The following GPATCH2 variants were observed in gnomAD, a reference collection of about 807,000 sequenced individuals.
GPATCH2 encodes the protein G-patch domain containing 2, also known as G patch domain-containing protein 2.
GPATCH2 carries 51 observed loss-of-function variants against 58.0 expected under a neutral mutation model. That is an observed-to-expected ratio of 0.88 (90% CI 0.70 to 1.11). GPATCH2 has a LOEUF of 1.11. Among genes scored for constraint, GPATCH2 ranks in the 50% most tolerant of loss-of-function variants. The pLI is 0.00. For synonymous variants in GPATCH2, 222 were observed against 218.5 expected, an observed-to-expected ratio of 1.02 and a Z score of -0.14; for missense variants, 625 against 652.2, an observed-to-expected ratio of 0.96 and a Z score of 0.45.
At chr1:217,607,222 G>A (rs574821295) in intron 5 of GPATCH2, among the ~76,000 whole-genome samples, 3 of 152,272 alleles carry the variant, frequency 2.0e-5, no homozygotes, top group African/African-American at 7.2e-5. Context: ...TCAGTAACAT[G>A]TACAGAGCAG....
intron 5 of GPATCH2, among the ~76,000 whole-genome samples, chr1:217,525,311 T>C (rs948077482): frequency 6.6e-6 from 1 of 152,166 alleles, no homozygotes; most frequent in African/African-American, 2.4e-5. Context: ...TATGACACAC[T>C]GACCCACAGT....
chr1:217,466,663 G>A (rs1433320932), intron 8 of GPATCH2, among the ~76,000 whole-genome samples: 1 of 152,094 alleles, frequency 6.6e-6, no homozygotes, highest in Non-Finnish European at 1.5e-5. Flanking sequence ...CAGCAGCAAG[G>A]GGCCTCAAAA....
chr1:217,556,531 C>T (rs1665630746), intron 5 of GPATCH2, among the ~76,000 whole-genome samples: 1 of 152,196 alleles, frequency 6.6e-6, no homozygotes, highest in South Asian at 2.1e-4. Flanking sequence ...AACATTGGTG[C>T]ATCTAGCTGT....
chr1:217,531,552 AT>A (rs1664190230), intron 5 of GPATCH2, among the ~76,000 whole-genome samples: 5 of 152,224 alleles, frequency 3.3e-5, no homozygotes, highest in Admixed American at 2.0e-4. Flanking sequence ...CACAAAAAAA[AT>A]AGTAGACAAT....
chr1:217,447,028 C>T (rs1659423390), intron 9 of GPATCH2, among the ~76,000 whole-genome samples: 1 of 152,112 alleles, frequency 6.6e-6, no homozygotes, highest in African/African-American at 2.4e-5. Context: ...ACTGTTTCTG[C>T]CGCTAATGGT....
intron 5 of GPATCH2, among the ~76,000 whole-genome samples, chr1:217,571,601 T>C (rs1354632160): frequency 2.7e-5 from 4 of 147,386 alleles, no homozygotes; most frequent in African/African-American, 5.0e-5. Flanking sequence ...AATTAGGTGA[T>C]CTACACTTGA....
chr1:217,516,213 T>A (rs1281368888), intron 5 of GPATCH2, among the ~76,000 whole-genome samples: 2 of 97,924 alleles, frequency 2.0e-5, no homozygotes, highest in Non-Finnish European at 2.0e-5. Context: ...GGCTTTAAGT[T>A]ATGTTCCATT....
At chr1:217,555,951 A>G (rs1665597410) in intron 5 of GPATCH2, among the ~76,000 whole-genome samples, 1 of 152,220 alleles carries the variant, frequency 6.6e-6, no homozygotes, top group South Asian at 2.1e-4. Context: ...TTTACTTTGT[A>G]CTATACAACA....
At chr1:217,500,369 C>G (rs752894961) in intron 6 of GPATCH2, among the ~76,000 whole-genome samples, 1 of 151,938 alleles carries the variant, frequency 6.6e-6, no homozygotes, top group Non-Finnish European at 1.5e-5. Flanking sequence ...TAGATCTGTC[C>G]TGGAACTTCC....
At chr1:217,579,909 C>A (rs1666981277) in intron 5 of GPATCH2, among the ~76,000 whole-genome samples, 1 of 152,076 alleles carries the variant, frequency 6.6e-6, no homozygotes, top group South Asian at 2.1e-4. Context: ...ATGGTCAAAG[C>A]CTTTAGCTGT....
chr1:217,589,179 G>C (rs925681963), intron 5 of GPATCH2, among the ~76,000 whole-genome samples: 2 of 152,084 alleles, frequency 1.3e-5, no homozygotes, highest in African/African-American at 4.8e-5. Flanking sequence ...GTCATGTCAA[G>C]TCACTTAAAA....
intron 1 of GPATCH2, 31 bp from the exon 2 acceptor site, chr1:217,620,530 T>C (rs1669133846): frequency 7.4e-7 from 1 of 1,346,014 alleles, no homozygotes; most frequent in South Asian, 1.3e-5. Context: ...AAAAAGAAAA[T>C]AGTCAGTCTT....
intron 5 of GPATCH2, among the ~76,000 whole-genome samples, chr1:217,524,049 C>T (rs1464967910): frequency 1.3e-5 from 2 of 148,714 alleles, no homozygotes; most frequent in African/African-American, 5.0e-5. Context: ...CCTCACCTCC[C>T]GGATGGGGCG....
chr1:217,557,061 C>T (rs1665670099), intron 5 of GPATCH2, among the ~76,000 whole-genome samples: 1 of 152,170 alleles, frequency 6.6e-6, no homozygotes, highest in African/African-American at 2.4e-5. Flanking sequence ...AAGCCACTCC[C>T]AGTCTGTGGC....
chr1:217,483,589 T>C lies in GPATCH2; in HGVS notation c.1277+8091A>G, dbSNP rs371787273. Among the ~76,000 whole-genome samples, 67 of 152,330 alleles carry C rather than the reference T, an allele frequency of 4.4e-4. 1 individual carries two copies. The South Asian group carries it at 0.014, about 32-fold the overall frequency. On this transcript the variant is annotated intron_variant, in intron 8 of 9. Coordinates refer to ENST00000366935, the MANE Select transcript of GPATCH2 (RefSeq NM_018040.5). ...TTAAGTATTCACGTGGAATGCATAG[T>C]AGGTCTATGTTTAACATTTTAGGAA...
chr1:217,609,912 T>C (rs1668544063), intron 5 of GPATCH2: 8 of 1,125,600 alleles, frequency 7.1e-6, no homozygotes, highest in Middle Eastern at 3.8e-4. Context: ...GAGAAAAATA[T>C]ATAATTTACA....
intron 4 of GPATCH2, 104 bp from the exon 5 acceptor site, chr1:217,610,504 C>T (rs911539371): frequency 8.5e-6 from 6 of 709,684 alleles, no homozygotes; most frequent in East Asian, 5.1e-5. Context: ...TTGGTGGTGG[C>T]GGTGAATGCC....
At chr1:217,576,079 T>C (rs917648991) in intron 5 of GPATCH2, among the ~76,000 whole-genome samples, 3 of 152,070 alleles carry the variant, frequency 2.0e-5, no homozygotes, top group Non-Finnish European at 4.4e-5. Flanking sequence ...TAGGTAAATA[T>C]ATACACACAT....
chr1:217,610,332 G>A lies in GPATCH2; in HGVS notation c.1087C>T (p.Pro363Ser). Residue 363 changes from proline to serine, a missense_variant, in exon 5 of 10, where the codon CCA becomes TCA. Pro to Ser is a moderately conservative substitution (Grantham distance 74, BLOSUM62 -1). Transcript: ENST00000366935. ...AAAAGTATGCCTACCATTGAAGTTG[G>A]AGTCCCTCCAGATTTTTTAATATTC... ...SKNIKKSGGT[P>S]TSMVPIPGPV... 1 of 1,586,242 alleles carries A rather than the reference G, an allele frequency of 6.3e-7. No individual in the cohort carries two copies. Among genetic ancestry groups the A allele is most frequent in the South Asian group, 1.1e-5 (1 of 90,030 alleles).
Sources: allele counts gnomAD v4.1 joint callset (sites outside exome capture counted in the v4.1 genomes callset), GRCh38; gene constraint gnomAD v4.1.1; transcripts MANE v1.5; gene names NCBI Gene and HGNC (gene_info 2026-07-23, HGNC 2026-07-21).